PPP2R5A: variants seen among roughly 807,000 people sequenced by gnomAD.
PPP2R5A encodes the protein protein phosphatase 2 regulatory subunit B'alpha.
PPP2R5A carries 25 observed loss-of-function variants against 64.2 expected under a neutral mutation model. That is an observed-to-expected ratio of 0.39 (90% confidence interval 0.28 to 0.54). PPP2R5A has a LOEUF of 0.54. Ranked by LOEUF, PPP2R5A falls within the 20% of genes least tolerant of loss-of-function variation. The pLI is 0.67. For synonymous variants in PPP2R5A, 198 were observed against 201.2 expected (o/e 0.98, Z 0.13); for missense variants, 425 against 576.3 (o/e 0.74, Z 2.69).
At chr1:212,305,011 G>A (rs963084446) in intron 1 of PPP2R5A, among the ~76,000 whole-genome samples, 17 of 150,306 alleles carry the variant, frequency 1.1e-4, no homozygotes, top group African/African-American at 4.2e-4. Flanking sequence ...GATTACAGGT[G>A]GGAGCTGCCA....
intron 8 of PPP2R5A, among the ~76,000 whole-genome samples, chr1:212,354,098 A>C (rs1276732027): frequency 1.3e-5 from 2 of 151,894 alleles, no homozygotes; most frequent in African/African-American, 4.8e-5. Flanking sequence ...GCAGGAGAAT[A>C]GCATGAACCC....
chr1:212,355,437 A>C (rs539525615), intron 8 of PPP2R5A, among the ~76,000 whole-genome samples: 1 of 152,300 alleles, frequency 6.6e-6, no homozygotes, highest in South Asian at 2.1e-4. Context: ...TTAGTGTTCC[A>C]CATTACTGGA....
At chr1:212,305,896 A>G (rs957261453) in intron 1 of PPP2R5A, among the ~76,000 whole-genome samples, 16 of 152,224 alleles carry the variant, frequency 1.1e-4, no homozygotes, top group African/African-American at 3.4e-4. Context: ...CCAAACAGCC[A>G]CAAGAAAACT....
intron 6 of PPP2R5A, 73 bp downstream of exon 6, chr1:212,347,479 G>T: frequency 8.7e-7 from 1 of 1,146,442 alleles, no homozygotes. Flanking sequence ...CTTAGCTGGG[G>T]TTGGAGAAAT....
chr1:212,357,333 A>G lies in PPP2R5A; in HGVS notation c.1226+49A>G, dbSNP rs1441304675. 5 of 1,345,290 alleles carry G rather than the reference A, an allele frequency of 3.7e-6. No homozygotes were observed. The Admixed American group carries it at 1.5e-4, about 40-fold the overall frequency. 83.3% of individuals were successfully genotyped at this position (1,345,290 alleles called of 1,614,324 possible). On this transcript the variant is annotated intron_variant, in intron 11 of 12. Coordinates refer to ENST00000261461, the MANE Select transcript of PPP2R5A (RefSeq NM_006243.4). ...TATTTTTTTCTTTTTTTTTTTTTAT[A>G]TCTTTTTGTTATTGATTTCCTAACT...
intron 1 of PPP2R5A, among the ~76,000 whole-genome samples, chr1:212,296,622 G>C (rs1012308537): frequency 6.6e-6 from 1 of 152,172 alleles, no homozygotes; most frequent in Non-Finnish European, 1.5e-5. Context: ...GGGACAAGTT[G>C]CCTGAATAAG....
chr1:212,319,947 G>GTTTTTTTTTTTTTTTTTTT (rs71137742), intron 1 of PPP2R5A, among the ~76,000 whole-genome samples: 10 of 103,390 alleles, frequency 9.7e-5, no homozygotes, highest in Non-Finnish European at 1.3e-4. Context: ...CTTACAGATT[G>GTTTTTTTTTTTTTTTTTTT]TTTTTTTTTT....
intron 1 of PPP2R5A, among the ~76,000 whole-genome samples, chr1:212,302,845 C>T (rs1245207529): frequency 6.6e-6 from 1 of 152,118 alleles, no homozygotes; most frequent in Non-Finnish European, 1.5e-5. Flanking sequence ...TATAATATGT[C>T]GTCTTTTGTA....
chr1:212,332,738 T>G (rs1169137107), intron 2 of PPP2R5A, among the ~76,000 whole-genome samples: 1 of 152,142 alleles, frequency 6.6e-6, no homozygotes, highest in South Asian at 2.1e-4. Context: ...CTCTGAGTTA[T>G]AAGGCAAGTA....
chr1:212,327,234 ATTTAC>A (rs1173285286), intron 1 of PPP2R5A, among the ~76,000 whole-genome samples: 1 of 152,204 alleles, frequency 6.6e-6, no homozygotes, highest in African/African-American at 2.4e-5. Context: ...GATTTTTAAA[ATTTAC>A]TTTCAGAAGT....
chr1:212,357,523 G>A (rs1659998932), intron 11 of PPP2R5A: 2 of 277,562 alleles, frequency 7.2e-6, no homozygotes, highest in African/African-American at 2.2e-5. Context: ...TTTAGAGACA[G>A]CCGGGCGCGG....
chr1:212,299,487 C>T (rs1259105569), intron 1 of PPP2R5A: 1 of 152,200 alleles, frequency 6.6e-6, no homozygotes, highest in Non-Finnish European at 1.5e-5. Context: ...TTAAAATACT[C>T]TTCCACATTA....
intron 1 of PPP2R5A, among the ~76,000 whole-genome samples, chr1:212,294,541 GAC>G (rs145906272): frequency 0.096 from 14,543 of 152,142 alleles, 2,274 homozygotes; most frequent in African/African-American, 0.33. Context: ...TGTGAAATTA[GAC>G]ACACACTTTA....
Position 212,329,306 on chromosome 1 carries a change from C to A in PPP2R5A, c.353C>A (p.Ser118Ter). The part of the protein sequence containing the change: ...VSTNRGVIVE[S>*]AYSDIVKMIS... ...ACTAATCGTGGTGTAATTGTTGAATCAGCGTATTCTGATATAGTAAAAATG... is the reference window on the plus strand; with the variant it reads ...ACTAATCGTGGTGTAATTGTTGAATAAGCGTATTCTGATATAGTAAAAATG... The change falls in exon 2 of 13, where the codon TCA becomes TAA. Residue 118 changes from serine to a stop codon, truncating the protein, a stop_gained. Transcript: ENST00000261461. LOFTEE classifies it high-confidence loss of function. 1 of 1,601,228 alleles carries A rather than the reference C, an allele frequency of 6.2e-7. No homozygotes were observed. Among genetic ancestry groups the A allele is most frequent in the South Asian group, 1.1e-5 (1 of 87,944 alleles).
At chr1:212,294,268 A>G (rs1216350279) in intron 1 of PPP2R5A, among the ~76,000 whole-genome samples, 1 of 152,198 alleles carries the variant, frequency 6.6e-6, no homozygotes, top group Non-Finnish European at 1.5e-5. Context: ...CCCTGCCTCT[A>G]AATTGATAAA....
chr1:212,340,170 G>A (rs1659664324), intron 3 of PPP2R5A, among the ~76,000 whole-genome samples: 1 of 151,920 alleles, frequency 6.6e-6, no homozygotes, highest in East Asian at 1.9e-4. Context: ...AAGACATGCT[G>A]CTACATTTCT....
intron 1 of PPP2R5A, among the ~76,000 whole-genome samples, chr1:212,325,845 T>C (rs1020798774): frequency 1.3e-4 from 20 of 152,204 alleles, no homozygotes; most frequent in African/African-American, 4.6e-4. Flanking sequence ...AGTACATACA[T>C]AAGCAGAGGT....
chr1:212,319,613 C>G (rs373879712), intron 1 of PPP2R5A: 6 of 110,722 alleles, frequency 5.4e-5, no homozygotes, highest in Non-Finnish European at 7.4e-5. Context: ...TTTTTGTTTT[C>G]TTTTCTTTTT....
At chr1:212,292,137 G>A (rs903275668) in intron 1 of PPP2R5A, among the ~76,000 whole-genome samples, 1 of 152,188 alleles carries the variant, frequency 6.6e-6, no homozygotes, top group South Asian at 2.1e-4. Context: ...TCTCCAGAGT[G>A]TTTTCGTGTC....
Sources: allele counts gnomAD v4.1 joint callset (sites outside exome capture counted in the v4.1 genomes callset), GRCh38; gene constraint gnomAD v4.1.1; transcripts MANE v1.5; gene names NCBI Gene and HGNC (gene_info 2026-07-23, HGNC 2026-07-21).